Variants in XRCC3 observed in about 807,000 individuals in gnomAD.
XRCC3 encodes X-ray repair cross complementing 3.
Under a neutral mutation model 29.2 loss-of-function variants are expected in XRCC3, and 34 were observed. The observed-to-expected ratio is 1.16, with a 90% confidence interval of 0.88 to 1.55. The LOEUF (loss-of-function observed/expected upper bound fraction) is 1.55, where lower values mean the gene tolerates loss of function less well. Ranked by LOEUF, XRCC3 falls within the 40% of genes most tolerant of loss-of-function variation. The pLI, the probability that XRCC3 is intolerant of heterozygous loss-of-function variation, is 0.00. For missense variants in XRCC3, 463 were observed against 467.6 expected (o/e 0.99, Z 0.09); for synonymous variants, 223 against 211.3 (o/e 1.06, Z -0.48).
Position 103,711,107 on chromosome 14 carries a change from C to T in XRCC3, c.-20G>A, listed in dbSNP as rs1228500177. The T allele has an allele frequency of 6.2e-7, 1 of 1,613,896 alleles. No homozygotes were observed. Among genetic ancestry groups the T allele is most frequent in the South Asian group, 1.1e-5 (1 of 91,076 alleles). On this transcript the variant is annotated 5_prime_UTR_variant, in exon 4 of 10. It adds an upstream start codon to the 5' untranslated region. Coordinates refer to ENST00000555055, the MANE Select transcript of XRCC3 (RefSeq NM_005432.4). Reference sequence around the variant, plus strand: ...ATCCATTTTGTCGGTGGGCTGGCCACCAGGATGAATAACTTCCCAGGAAAG... The same window carrying T: ...ATCCATTTTGTCGGTGGGCTGGCCATCAGGATGAATAACTTCCCAGGAAAG...
chr14:103,701,205 C>T lies in XRCC3; in HGVS notation c.562-1629G>A, dbSNP rs1353954156. ...ACCTTCTATCTTCTCTTGCAGTGAC[C>T]CCGACCTGGCCCCGCTCCAGGATGG... On this transcript the variant is annotated intron_variant, in intron 7 of 9. Transcript: ENST00000555055. 9 of 1,550,712 alleles carry T rather than the reference C, an allele frequency of 5.8e-6. No homozygotes were observed. The African/African-American group carries it at 6.8e-5, about 12-fold the overall frequency.
chr14:103,699,298 C>A, intron 8 of XRCC3, 66 bp downstream of exon 8: 1 of 1,546,538 alleles, frequency 6.5e-7, no homozygotes, highest in East Asian at 2.4e-5. Context: ...ACCTCCAGAC[C>A]GGCTCTGCTT....
At chr14:103,706,532 G>A (rs2083443177) in intron 6 of XRCC3, 1 of 404,062 alleles carries the variant, frequency 2.5e-6, no homozygotes, top group Admixed American at 2.7e-5. Context: ...AGGCAGGCAT[G>A]CTCTGAACGC....
intron 7 of XRCC3, chr14:103,700,592 T>C (rs2083092533): frequency 1.3e-5 from 18 of 1,377,458 alleles, no homozygotes; most frequent in Non-Finnish European, 1.8e-5. Context: ...CGCCCGGAGC[T>C]CTGAAGACGC....
At chr14:103,707,325 C>T (rs2083470356) in intron 5 of XRCC3, 110 bp from the exon 6 acceptor site, 1 of 1,368,788 alleles carries the variant, frequency 7.3e-7, no homozygotes, top group East Asian at 2.5e-5. Flanking sequence ...GTGGCTGGAG[C>T]ACAGGTGCCT....
chr14:103,713,902 C>T (rs2083714631), intron 1 of XRCC3: 1 of 152,184 alleles, frequency 6.6e-6, no homozygotes, highest in African/African-American at 2.4e-5. Context: ...CAGACATCAG[C>T]TTGAAGGTTG....
intron 5 of XRCC3, chr14:103,707,508 A>T: frequency 1.9e-6 from 1 of 516,134 alleles, no homozygotes; most frequent in Non-Finnish European, 3.5e-6. Context: ...AAGCTTCCAG[A>T]GAGCCCCGAG....
Position 103,711,240 on chromosome 14 carries a change from C to G in XRCC3, c.-153G>C, listed in dbSNP as rs1185229940. The G allele has an allele frequency of 1.3e-6, 1 of 787,630 alleles. No individual in the cohort carries two copies. Among genetic ancestry groups the G allele is most frequent in the African/African-American group, 1.7e-5 (1 of 58,482 alleles). 48.8% of individuals were successfully genotyped at this position (787,630 alleles called of 1,614,324 possible). On this transcript the variant is annotated 5_prime_UTR_variant, in exon 4 of 10. Transcript: ENST00000555055. ...CCGAGGTGTCCGTGTCATCGGGGCT[C>G]TGTCACTGAGGGTGGAGGAGACTTC...
intron 4 of XRCC3, chr14:103,709,171 C>T (rs905027541): frequency 4.1e-5 from 11 of 266,552 alleles, no homozygotes; most frequent in Middle Eastern, 1.3e-3. Flanking sequence ...ACGCCAGCTG[C>T]GCAGGGCAGT....
rs3212099 is a variant in XRCC3, at chr14:103,701,083, C to A, written c.562-1507G>T. On this transcript the variant is annotated intron_variant, in intron 7 of 9. Coordinates refer to ENST00000555055, the MANE Select transcript of XRCC3 (RefSeq NM_005432.4). ...CCAGGGAGGCTCACAACCAGCAACA[C>A]CCTCTTCTCTAGGCAGACTTGGGGT... is the stretch of plus-strand genomic sequence containing the variant. 516 of 1,287,694 alleles carry A rather than the reference C, an allele frequency of 4.0e-4. 6 individuals carry two copies. The African/African-American group carries it at 4.8e-3, about 12-fold the overall frequency. 79.8% of individuals were successfully genotyped at this position (1,287,694 alleles called of 1,614,324 possible).
At chr14:103,700,845 G>A in intron 7 of XRCC3, 4 of 844,944 alleles carry the variant, frequency 4.7e-6, no homozygotes, top group Non-Finnish European at 7.1e-6. Flanking sequence ...CTAGCTGCCA[G>A]GCTGGGCCTC....
rs909155330 is a variant in XRCC3 at position 103,698,422 on chromosome 14, A to T, written c.*376T>A. The T allele has an allele frequency of 6.3e-6, 2 of 319,014 alleles. No individual in the cohort carries two copies. The highest frequency in any genetic ancestry group is 4.3e-5 in the African/African-American group (2 of 46,226). 19.8% of individuals were successfully genotyped at this position (319,014 alleles called of 1,614,324 possible). On this transcript the variant is annotated 3_prime_UTR_variant, in exon 10 of 10. Transcript: ENST00000555055. Reference sequence around the variant, plus strand: ...GGTCTGAGGCCCCAGCCCAGGGGGCAGGCCTCAGACGCAACCCCAGTTGGG... The same window carrying T: ...GGTCTGAGGCCCCAGCCCAGGGGGCTGGCCTCAGACGCAACCCCAGTTGGG...
chr14:103,707,335 T>A lies in XRCC3; in HGVS notation c.194-120A>T, dbSNP rs573366867. The A allele has an allele frequency of 7.0e-6, 9 of 1,287,922 alleles. No individual in the cohort carries two copies. In the African/African-American group the frequency reaches 1.2e-4, roughly 17 times the overall value. The allele number at this position is 1,287,922 out of a possible 1,614,324, so 79.8% of individuals were successfully genotyped here. A position where few individuals can be genotyped will look rare whatever the true frequency, so the allele number is the denominator to read the frequency against. ...GCAGTGTGGCTGGAGCACAGGTGCC[T>A]GCGGTCATGGGGGTGAGCAAGGTGC... is the stretch of plus-strand genomic sequence containing the variant. On this transcript the variant is annotated intron_variant, in intron 5 of 9. Coordinates refer to ENST00000555055, the MANE Select transcript of XRCC3 (RefSeq NM_005432.4).
At chr14:103,701,336 T>C (rs1329033357) in intron 7 of XRCC3, 4 of 909,086 alleles carry the variant, frequency 4.4e-6, no homozygotes, top group African/African-American at 1.6e-5. Flanking sequence ...TCTGTGTGCA[T>C]AGGACATGAT....
chr14:103,708,703 C>G, intron 4 of XRCC3, 44 bp from the exon 5 acceptor site: 1 of 1,612,758 alleles, frequency 6.2e-7, no homozygotes, highest in African/African-American at 1.3e-5. Flanking sequence ...CAGACTGTCA[C>G]AACGCAGGGC....
At chr14:103,712,146 CA>C (rs2083658628) in intron 2 of XRCC3, 1 of 187,686 alleles carries the variant, frequency 5.3e-6, no homozygotes, top group Non-Finnish European at 1.1e-5. Context: ...GGCACGCCCC[CA>C]GGCACCCCGT....
At chr14:103,715,230 C>G (rs1317419122) in intron 1 of XRCC3, among the ~76,000 whole-genome samples, 194 bp downstream of exon 1, 1 of 152,082 alleles carries the variant, frequency 6.6e-6, no homozygotes, top group African/African-American at 2.4e-5. Context: ...GCTACCCGAG[C>G]TGCGGCGGGG....
At position 103,707,042 on chromosome 14, in the gene XRCC3, C is replaced by G. The variant is rs777779663; in HGVS notation, c.367G>C (p.Ala123Pro). The change falls in exon 6 of 10, where the codon GCT (alanine) becomes CCT (proline). Residue 123 changes from alanine (A) to proline (P), a missense_variant. Transcript: ENST00000555055. ...KTQLALQLCLAVQFPRQHGGL... is the reference protein window; with the variant it reads ...KTQLALQLCLPVQFPRQHGGL... Reference sequence around the variant, plus strand: ...CCGTGCTGCCGCGGGAACTGCACAGCCAGGCAGAGCTGCAGCGCCAGCTGG... The same window carrying G: ...CCGTGCTGCCGCGGGAACTGCACAGGCAGGCAGAGCTGCAGCGCCAGCTGG... 25 of 1,567,288 alleles carry G rather than the reference C, an allele frequency of 1.6e-5. No individual in the cohort carries two copies. Among genetic ancestry groups the G allele is most frequent in the Admixed American group, 3.7e-5 (2 of 54,522 alleles).
At chr14:103,705,597 C>T (rs562161730) in intron 6 of XRCC3, 1 of 152,446 alleles carries the variant, frequency 6.6e-6, no homozygotes, top group East Asian at 1.9e-4. Context: ...CCTAACCTTG[C>T]ATGTGGTCAC....
Sources: gnomAD v4.1 joint callset for allele counts (sites outside exome capture counted in the v4.1 genomes callset) on GRCh38, gnomAD v4.1.1 for gene constraint, MANE v1.5 for transcripts, NCBI Gene and HGNC (gene_info 2026-07-23, HGNC 2026-07-21) for gene names.